Variants in ZCCHC2 observed in about 807,000 individuals in gnomAD.
ZCCHC2 encodes zinc finger CCHC-type containing 2.
A neutral mutation model predicts 103.6 loss-of-function variants in ZCCHC2; 39 were observed. That is an observed-to-expected ratio of 0.38 (90% CI 0.29 to 0.49). The LOEUF is 0.49. ZCCHC2 is among the 20% of genes least tolerant of loss of function. The pLI is 0.96. For missense variants in ZCCHC2, 1,483 were observed against 1,491.0 expected (o/e 0.99, Z 0.09); for synonymous variants, 687 against 608.9 (o/e 1.13, Z -1.89).
At chr18:62,564,473 T>C (rs879678422) in intron 9 of ZCCHC2, 98 bp from the exon 10 acceptor site, 16 of 891,654 alleles carry the variant, frequency 1.8e-5, no homozygotes, top group Middle Eastern at 3.3e-4. Context: ...TGTTAGAATA[T>C]ACAACTGGGA....
rs987772523 is a variant in ZCCHC2, at chr18:62,523,850, C to T, written c.426C>T (p.Tyr142=). The T allele has an allele frequency of 1.3e-4, 204 of 1,545,102 alleles. 3 individuals are homozygous for T. The East Asian group carries it at 4.8e-3, about 37-fold the overall frequency. ...SCLEDLARKD[Y]HYLRDSEAKA... is the part of the protein sequence containing the mutation. ...TGGAGGACCTGGCGCGCAAGGACTA[C>T]CACTACCTGCGCGACTCGGAGGCCA... Residue 142 remains tyrosine, a synonymous_variant, in exon 1 of 14, where the codon TAC becomes TAT. Transcript: ENST00000269499.
rs2145535763 is a variant in ZCCHC2 at position 62,574,064 on chromosome 18, C to T, written c.1983C>T (p.Asp661=). The T allele has an allele frequency of 1.9e-6, 3 of 1,612,364 alleles. No homozygotes were observed. Among genetic ancestry groups the T allele is most frequent in the Non-Finnish European group, 8.5e-7 (1 of 1,178,988 alleles). ...ESEEEKDRDT[D]SNSEDSGNPS... The stretch of plus-strand genomic sequence containing the variant: ...TATGTTTGTTTTCTTTAGACACAGA[C>T]AGCAATTCTGAGGATTCTGGGAATC... The change falls in exon 13 of 14, where the codon GAC becomes GAT. Residue 661 remains aspartate, a synonymous_variant. Coordinates refer to ENST00000269499, the MANE Select transcript of ZCCHC2 (RefSeq NM_017742.6).
chr18:62,538,739 C>T (rs962468393), intron 1 of ZCCHC2, among the ~76,000 whole-genome samples: 7 of 152,176 alleles, frequency 4.6e-5, no homozygotes, highest in African/African-American at 9.6e-5. Flanking sequence ...TACTTACTGT[C>T]GGGTCGGGAT....
At position 62,575,850 on chromosome 18, in the gene ZCCHC2, C is replaced by CT. The variant is rs889991390; in HGVS notation, c.3469+311dup. Among the ~76,000 whole-genome samples the CT allele has an allele frequency of 8.7e-4, 127 of 146,502 alleles. 1 individual carries two copies. The highest frequency in any genetic ancestry group is 2.6e-3 in the African/African-American group (104 of 40,162). ...AATGTTAAATCTCTTGCTTGCAGCA[C>CT]TTTTTTTTTTTAAGCTACAATCCTG... On this transcript the variant is annotated intron_variant, in intron 13 of 13. Coordinates refer to ENST00000269499, the MANE Select transcript of ZCCHC2 (RefSeq NM_017742.6).
At position 62,524,105 on chromosome 18, in the gene ZCCHC2, C is replaced by A. The variant is rs549416164; in HGVS notation, c.681C>A (p.Gly227=). The change falls in exon 1 of 14, where the codon GGC becomes GGA. Residue 227 remains glycine (G), a synonymous_variant. Coordinates refer to ENST00000269499, the MANE Select transcript of ZCCHC2 (RefSeq NM_017742.6). Reference sequence around the variant, plus strand: ...ACGAGCGCGGCGAGGACGGCGACGGCGAGCAGGACGCCGAGAAGGACGGCT... The same window carrying A: ...ACGAGCGCGGCGAGGACGGCGACGGAGAGCAGGACGCCGAGAAGGACGGCT... The part of the protein sequence containing the change: ...AEDERGEDGD[G]EQDAEKDGSG... The A allele has an allele frequency of 1.1e-4, 167 of 1,521,590 alleles. No individual in the cohort carries two copies. In the South Asian group the frequency reaches 1.9e-3, roughly 17 times the overall value. 94.3% of individuals were successfully genotyped at this position (1,521,590 alleles called of 1,614,324 possible).
At chr18:62,573,330 G>A (rs1014980417) in intron 12 of ZCCHC2, among the ~76,000 whole-genome samples, 7 of 152,120 alleles carry the variant, frequency 4.6e-5, no homozygotes, top group Non-Finnish European at 1.0e-4. Context: ...ATCCCCTGAA[G>A]GCTAGGTCCA....
intron 7 of ZCCHC2, chr18:62,560,343 T>C (rs939460926): frequency 5.4e-6 from 2 of 371,218 alleles, no homozygotes. Flanking sequence ...TCATATAGAC[T>C]TTCATAGTTT....
At chr18:62,555,317 A>G (rs1915841591) in intron 5 of ZCCHC2, among the ~76,000 whole-genome samples, 1 of 152,196 alleles carries the variant, frequency 6.6e-6, no homozygotes, top group African/African-American at 2.4e-5. Context: ...AATATGAGGA[A>G]AGCTGGGTTT....
At chr18:62,553,179 T>G in intron 5 of ZCCHC2, among the ~76,000 whole-genome samples, 1 of 151,508 alleles carries the variant, frequency 6.6e-6, no homozygotes, top group East Asian at 1.9e-4. Flanking sequence ...TGTGTGTGTG[T>G]GTGTGTGTGT....
At chr18:62,561,626 C>G (rs1459787997) in intron 8 of ZCCHC2, among the ~76,000 whole-genome samples, 1 of 152,232 alleles carries the variant, frequency 6.6e-6, no homozygotes, top group Non-Finnish European at 1.5e-5. Flanking sequence ...TTCATCCTCT[C>G]CACTCCCTTG....
At chr18:62,546,165 C>T (rs1915397358) in intron 4 of ZCCHC2, among the ~76,000 whole-genome samples, 1 of 152,168 alleles carries the variant, frequency 6.6e-6, no homozygotes, top group South Asian at 2.1e-4. Flanking sequence ...GACATGTCAG[C>T]TCTGGACACC....
intron 1 of ZCCHC2, chr18:62,524,855 T>A (rs1914291345): frequency 6.3e-6 from 1 of 158,834 alleles, no homozygotes; most frequent in Non-Finnish European, 1.4e-5. Flanking sequence ...CGGCGGGGTG[T>A]CCTGAAGGTG....
chr18:62,568,753 C>A (rs1390801748), intron 11 of ZCCHC2, among the ~76,000 whole-genome samples: 2 of 152,118 alleles, frequency 1.3e-5, no homozygotes, highest in Non-Finnish European at 2.9e-5. Context: ...ATCTTTGATT[C>A]TCTTGATCTT....
Position 62,548,414 on chromosome 18 carries a change from A to G in ZCCHC2, c.1201-1934A>G, listed in dbSNP as rs112398149. 7.3e-3 allele frequency among the ~76,000 whole-genome samples: 1,116 copies of G among 152,320 alleles called. 16 individuals carry two copies. The highest frequency in any genetic ancestry group is 0.025 in the African/African-American group (1,053 of 41,570). Reference sequence around the variant, plus strand: ...CGTGAACAGTGTCACTGAACTGTCAATAGTTATACGCTGTTGCCTTCAGTG... The same window carrying G: ...CGTGAACAGTGTCACTGAACTGTCAGTAGTTATACGCTGTTGCCTTCAGTG... On this transcript the variant is annotated intron_variant, in intron 4 of 13. Transcript: ENST00000269499.
chr18:62,576,048 G>T (rs3905429), intron 13 of ZCCHC2, among the ~76,000 whole-genome samples: 2,133 of 148,926 alleles, frequency 0.014, 54 homozygotes, highest in African/African-American at 0.05. Context: ...AAAGGTCCAA[G>T]ATTCTATTGC....
In ZCCHC2 at chr18:62,523,944, A is replaced by C; in HGVS notation, c.520A>C (p.Ile174Leu). ...FREPAVRSRL[I>L]VYLALLGSEN... Reference sequence around the variant, plus strand: ...AGAGCCCGCGGTGCGCTCGCGCCTCATCGTCTACCTGGCGCTGCTGGGCTC... The same window carrying C: ...AGAGCCCGCGGTGCGCTCGCGCCTCCTCGTCTACCTGGCGCTGCTGGGCTC... Residue 174 changes from isoleucine (I) to leucine (L), a missense_variant, in exon 1 of 14, where the codon ATC becomes CTC. By Grantham distance (5) the Ile-to-Leu change is conservative. Coordinates refer to ENST00000269499, the MANE Select transcript of ZCCHC2 (RefSeq NM_017742.6). 1.4e-5 allele frequency: 22 copies of C among 1,521,282 alleles called. No individual in the cohort carries two copies. The highest frequency in any genetic ancestry group is 1.9e-5 in the Non-Finnish European group (22 of 1,138,656). 94.2% of individuals were successfully genotyped at this position (1,521,282 alleles called of 1,614,324 possible). A position where few individuals can be genotyped will look rare whatever the true frequency, so the allele number is the denominator to read the frequency against.
intron 7 of ZCCHC2, chr18:62,560,348 T>C (rs1916064295): frequency 5.3e-6 from 2 of 377,206 alleles, no homozygotes; most frequent in African/African-American, 2.1e-5. Context: ...TAGACTTTCA[T>C]AGTTTTGAAC....
At chr18:62,533,760 T>TA (rs916112192) in intron 1 of ZCCHC2, among the ~76,000 whole-genome samples, 7 of 150,508 alleles carry the variant, frequency 4.7e-5, no homozygotes, top group Non-Finnish European at 1.0e-4. Context: ...TAATTCCAGT[T>TA]ACTCCAAAGG....
At chr18:62,525,306 C>G (rs1413168729) in intron 1 of ZCCHC2, 1 of 149,754 alleles carries the variant, frequency 6.7e-6, no homozygotes, top group African/African-American at 2.5e-5. Flanking sequence ...AATTAGGGTC[C>G]AGTGAGTCTT....
Sources: gnomAD v4.1 joint callset for allele counts (sites outside exome capture counted in the v4.1 genomes callset) on GRCh38, gnomAD v4.1.1 for gene constraint, MANE v1.5 for transcripts, NCBI Gene and HGNC (gene_info 2026-07-23, HGNC 2026-07-21) for gene names.